The following MAK16 variants were observed in gnomAD, a reference collection of about 807,000 sequenced individuals.
The protein encoded by MAK16 is protein MAK16 homolog.
A neutral mutation model predicts 49.9 loss-of-function variants in MAK16; 12 were observed. The ratio of observed to expected loss-of-function variants is 0.24; its 90% confidence interval spans 0.15 to 0.39. The LOEUF (loss-of-function observed/expected upper bound fraction) is 0.39, where lower values mean the gene tolerates loss of function less well. MAK16 is among the 10% of genes least tolerant of loss of function. The pLI, the probability that MAK16 is intolerant of heterozygous loss-of-function variation, is 1.00. For synonymous variants in MAK16, 115 were observed against 126.4 expected (o/e 0.91, Z 0.60); for missense variants, 292 against 363.7 (o/e 0.80, Z 1.60).
At chr8:33,486,438 G>C (rs1216037229) in intron 1 of MAK16, among the ~76,000 whole-genome samples, 1 of 152,170 alleles carries the variant, frequency 6.6e-6, no homozygotes, top group African/African-American at 2.4e-5. Flanking sequence ...TGAGGTCCCA[G>C]TTACTTCGAA....
Position 33,489,283 on chromosome 8 carries a change from C to G in MAK16, c.392+144C>G. The G allele has an allele frequency of 1.5e-6, 1 of 679,460 alleles. No individual in the cohort carries two copies. The highest frequency in any genetic ancestry group is 2.4e-6 in the Non-Finnish European group (1 of 410,064). The allele number at this position is 679,460 out of a possible 1,614,324, so 42.1% of individuals were successfully genotyped here. ...TACTAAAGAGAAACTTTAGCTTTGA[C>G]TAAAGGTGTGCCCTTTGATATGGCA... On this transcript the variant is annotated intron_variant, in intron 5 of 9. Transcript: ENST00000360128. The surrounding 1 kb of genome is among the most constrained non-coding windows in gnomAD (Gnocchi z 4.2).
In MAK16 at chr8:33,493,368, G is replaced by A. The variant is rs1808806919; in HGVS notation, c.448-2174G>A. Among the ~76,000 whole-genome samples the A allele has an allele frequency of 1.3e-5, 2 of 152,084 alleles. 1 individual carries two copies. Among genetic ancestry groups the A allele is most frequent in the Admixed American group, 1.3e-4 (2 of 15,252 alleles). On this transcript the variant is annotated intron_variant, in intron 6 of 9. Coordinates refer to ENST00000360128, the MANE Select transcript of MAK16 (RefSeq NM_032509.4). ...GGGGTTTCACCACATTGGCCAGGCT[G>A]GTCTCAAACTCCCAACCTGAGGTGA...
At chr8:33,490,656 CTTTAGTAGAT>C (rs1012643492) in intron 6 of MAK16, among the ~76,000 whole-genome samples, 3 of 152,050 alleles carry the variant, frequency 2.0e-5, no homozygotes, top group Non-Finnish European at 4.4e-5. Flanking sequence ...TACATAAAAC[CTTTAGTAGAT>C]TTTGAGCATT....
intron 6 of MAK16, among the ~76,000 whole-genome samples, chr8:33,490,587 A>C (rs1374323514): frequency 6.6e-6 from 1 of 152,110 alleles, no homozygotes; most frequent in Non-Finnish European, 1.5e-5. Context: ...CCTTTTTCTG[A>C]ATTTCTTGTG....
In MAK16 at chr8:33,500,419, T is replaced by C. The variant is rs1392185060; in HGVS notation, c.*1790T>C. On this transcript the variant is annotated 3_prime_UTR_variant, in exon 10 of 10. Transcript: ENST00000360128. ...GCTCTTAACAGACTCAGGTGTAAGG[T>C]TTGGATCCCTTGCTACATCACAAAT... is the stretch of plus-strand genomic sequence containing the variant. 1 of 1,614,066 alleles carries C rather than the reference T, an allele frequency of 6.2e-7. No homozygotes were observed. Among genetic ancestry groups the C allele is most frequent in the Admixed American group, 1.7e-5 (1 of 60,010 alleles).
intron 1 of MAK16, among the ~76,000 whole-genome samples, chr8:33,486,413 G>A (rs192695448): frequency 3.3e-5 from 5 of 152,216 alleles, no homozygotes; most frequent in East Asian, 1.9e-4. Context: ...TTAGCTGGGC[G>A]CGGTGGTGTT....
chr8:33,499,590 A>G lies in MAK16; in HGVS notation c.*961A>G, dbSNP rs1808989272. 7.4e-6 allele frequency: 2 copies of G among 271,284 alleles called. No individual in the cohort carries two copies. Among genetic ancestry groups the G allele is most frequent in the Non-Finnish European group, 1.4e-5 (2 of 141,144 alleles). The allele number at this position is 271,284 out of a possible 1,614,324, so 16.8% of individuals were successfully genotyped here. On this transcript the variant is annotated 3_prime_UTR_variant, in exon 10 of 10. Transcript: ENST00000360128. ...TAGGGCTTGAAAACTGCCCAAGATT[A>G]AAGAGCTAAGATGAAATAGTTTGAA... is the stretch of plus-strand genomic sequence containing the variant.
Position 33,489,402 on chromosome 8 carries a change from T to A in MAK16, c.392+263T>A. On this transcript the variant is annotated intron_variant, in intron 5 of 9. Coordinates refer to ENST00000360128, the MANE Select transcript of MAK16 (RefSeq NM_032509.4). This position sits in a 1 kb window ranked among gnomAD's most constrained non-coding sequence, Gnocchi z 4.2. ...TATTTTCTTTTTTGTTAAGACGGAG[T>A]CTCACTCTGTCGCCCAGGCTGGAAT... 2 of 344,822 alleles carry A rather than the reference T, an allele frequency of 5.8e-6. No individual in the cohort carries two copies. Among genetic ancestry groups the A allele is most frequent in the South Asian group, 3.3e-5 (1 of 29,896 alleles). The allele number at this position is 344,822 out of a possible 1,614,324, so 21.4% of individuals were successfully genotyped here. A position where few individuals can be genotyped will look rare whatever the true frequency, so the allele number is the denominator to read the frequency against.
At chr8:33,488,845 A>C (rs764754043) in intron 4 of MAK16, 47 bp downstream of exon 4, 1 of 1,608,122 alleles carries the variant, frequency 6.2e-7, no homozygotes, top group African/African-American at 1.3e-5. Context: ...AAGAGCATCA[A>C]AGCCACATGC....
intron 1 of MAK16, 73 bp downstream of exon 1, chr8:33,485,294 A>G (rs925390831): frequency 9.4e-6 from 15 of 1,596,088 alleles, no homozygotes; most frequent in Non-Finnish European, 1.3e-5. Flanking sequence ...ACACTTAGAA[A>G]ACGCGTACGC....
At chr8:33,497,681 AC>A (rs1375166836) in intron 9 of MAK16, among the ~76,000 whole-genome samples, 3 of 151,590 alleles carry the variant, frequency 2.0e-5, no homozygotes, top group African/African-American at 7.3e-5. Context: ...TTTAGTAGAC[AC>A]GGGGTTTCAC....
intron 9 of MAK16, among the ~76,000 whole-genome samples, 170 bp downstream of exon 9, chr8:33,497,467 C>G (rs1427493317): frequency 6.6e-6 from 1 of 150,952 alleles, no homozygotes; most frequent in East Asian, 1.9e-4. Context: ...GCCTGAAGAA[C>G]ATAGTGAGAC....
chr8:33,497,349 A>G, intron 9 of MAK16, 52 bp downstream of exon 9: 2 of 1,217,750 alleles, frequency 1.6e-6, no homozygotes, highest in South Asian at 1.3e-5. Context: ...AAAAAAAAAA[A>G]AAAAACAAAA....
chr8:33,488,330 A>G, intron 1 of MAK16, 48 bp from the exon 2 acceptor site: 1 of 1,580,140 alleles, frequency 6.3e-7, no homozygotes, highest in Non-Finnish European at 8.7e-7. Flanking sequence ...TTAATATAGT[A>G]TCTCTTGGGG....
At position 33,499,237 on chromosome 8, in the gene MAK16, T is replaced by G. The variant is rs1273875928; in HGVS notation, c.*608T>G. 6.2e-7 allele frequency: 1 copy of G among 1,614,126 alleles called. No homozygotes were observed. The highest frequency in any genetic ancestry group is 8.5e-7 in the Non-Finnish European group (1 of 1,180,004). On this transcript the variant is annotated 3_prime_UTR_variant, in exon 10 of 10. Coordinates refer to ENST00000360128, the MANE Select transcript of MAK16 (RefSeq NM_032509.4). ...CACTTTTCTGATATAGTTCACCACTTTTCTGTCTTCACAGCTTTGGGGAAT... is the reference window on the plus strand; with the variant it reads ...CACTTTTCTGATATAGTTCACCACTGTTCTGTCTTCACAGCTTTGGGGAAT...
intron 6 of MAK16, among the ~76,000 whole-genome samples, chr8:33,494,904 G>A (rs1281089220): frequency 6.6e-6 from 1 of 151,908 alleles, no homozygotes; most frequent in Non-Finnish European, 1.5e-5. Flanking sequence ...TCAGCCTCCC[G>A]AGTAGCTGGG....
At position 33,486,617 on chromosome 8, in the gene MAK16, GAA is replaced by G. The variant is rs1808692096; in HGVS notation, c.15+1399_15+1400del. ...AAGGTAGTAATTTAATGGTGGAGAT[GAA>G]AAGAAATTGATGAATTTGAGACCTT... On this transcript the variant is annotated intron_variant, in intron 1 of 9. Transcript: ENST00000360128. Among the ~76,000 whole-genome samples the G allele has an allele frequency of 1.3e-5, 2 of 152,194 alleles. 1 individual carries two copies. The highest frequency in any genetic ancestry group is 4.1e-4 in the South Asian group (2 of 4,834).
At position 33,500,696 on chromosome 8, in the gene MAK16, A is replaced by C. The variant is rs1809044169; in HGVS notation, c.*2067A>C. On this transcript the variant is annotated 3_prime_UTR_variant, in exon 10 of 10. Transcript: ENST00000360128. ...TCTCCTGTTAGCATACTGCCTATAC[A>C]CACAGACACACCCTCTGCCACACTG... 2 of 547,810 alleles carry C rather than the reference A, an allele frequency of 3.7e-6. No individual in the cohort carries two copies. The highest frequency in any genetic ancestry group is 6.5e-6 in the Non-Finnish European group (2 of 310,014). The allele number at this position is 547,810 out of a possible 1,614,324, so 33.9% of individuals were successfully genotyped here.
In MAK16 at chr8:33,501,110, T is replaced by G. The variant is rs1809060323; in HGVS notation, c.*2481T>G. The G allele has an allele frequency of 6.6e-6, 1 of 152,200 alleles. No homozygotes were observed. Among genetic ancestry groups the G allele is most frequent in the Non-Finnish European group, 1.5e-5 (1 of 68,054 alleles). 9.4% of individuals were successfully genotyped at this position (152,200 alleles called of 1,614,324 possible). On this transcript the variant is annotated 3_prime_UTR_variant, in exon 10 of 10. Transcript: ENST00000360128. ...ATATTGTGACTGTACTTAATGCCAC[T>G]GAACTGTACACTTTAAAATGGAAAA...
Sources: gnomAD v4.1 joint callset for allele counts (sites outside exome capture counted in the v4.1 genomes callset) on GRCh38, gnomAD v4.1.1 for gene constraint, Gnocchi (gnomAD v3.1) non-coding constraint, MANE v1.5 for transcripts, NCBI Gene and HGNC (gene_info 2026-07-23, HGNC 2026-07-21) for gene names.